MDFIC: variants seen among roughly 807,000 people sequenced by gnomAD.
MDFIC encodes myoD family inhibitor domain-containing protein.
MDFIC carries 17 observed loss-of-function variants against 23.2 expected under a neutral mutation model. That is an observed-to-expected ratio of 0.73 (90% CI 0.50 to 1.10). The LOEUF is 1.10. Among genes scored for constraint, MDFIC ranks in the 50% least tolerant of loss-of-function variants. The pLI is 0.00. For missense variants in MDFIC, 356 were observed against 316.6 expected (o/e 1.12, Z -0.95); for synonymous variants, 120 against 115.2 (o/e 1.04, Z -0.27).
In MDFIC at chr7:115,007,750, T is replaced by C. The variant is rs1172113032; in HGVS notation, c.494-7938T>C. ...GTGCAGTGGCATGATTATGGCTCAC[T>C]ATAGCCTCGACCTTCTGGGGCTCAG... On this transcript the variant is annotated intron_variant, in intron 4 of 4. Coordinates refer to ENST00000393486, the MANE Select transcript of MDFIC (RefSeq NM_001166345.3). Among the ~76,000 whole-genome samples the C allele has an allele frequency of 7.3e-5, 11 of 149,864 alleles. No homozygotes were observed. In the Admixed American group the frequency reaches 7.4e-4, roughly 10 times the overall value.
Position 114,922,555 on chromosome 7 carries a change from C to T in MDFIC, c.-189C>T. 7.9e-7 allele frequency: 1 copy of T among 1,267,690 alleles called. No individual in the cohort carries two copies. Among genetic ancestry groups the T allele is most frequent in the Non-Finnish European group, 1.0e-6 (1 of 1,000,214 alleles). 78.5% of individuals were successfully genotyped at this position (1,267,690 alleles called of 1,614,324 possible). On this transcript the variant is annotated 5_prime_UTR_variant, in exon 1 of 5. Transcript: ENST00000393486. The stretch of plus-strand genomic sequence containing the variant: ...ACCGGGGCGAAAATGCGGCCGCTGC[C>T]GGAGGCTCGCTAACTTTCCGGGGCG...
chr7:115,005,182 T>C (rs1287540681), intron 4 of MDFIC, among the ~76,000 whole-genome samples: 1 of 152,174 alleles, frequency 6.6e-6, no homozygotes, highest in Non-Finnish European at 1.5e-5. Flanking sequence ...CGACACCAAA[T>C]GAAATGACCT....
In MDFIC at chr7:115,016,071, G is replaced by A. The variant is rs1172729235; in HGVS notation, c.*136G>A. Reference sequence around the variant, plus strand: ...TAACTCATTATTGTAAGTAATCTCTGAAAGCCTTTTTACTTTAACCAAATC... The same window carrying A: ...TAACTCATTATTGTAAGTAATCTCTAAAAGCCTTTTTACTTTAACCAAATC... On this transcript the variant is annotated 3_prime_UTR_variant, in exon 5 of 5. Transcript: ENST00000393486. 4 of 891,876 alleles carry A rather than the reference G, an allele frequency of 4.5e-6. No individual in the cohort carries two copies. The African/African-American group carries it at 5.0e-5, about 11-fold the overall frequency. The allele number at this position is 891,876 out of a possible 1,614,324, so 55.2% of individuals were successfully genotyped here. A position where few individuals can be genotyped will look rare whatever the true frequency, so the allele number is the denominator to read the frequency against.
chr7:114,985,502 TTTTG>T (rs1436021287), intron 4 of MDFIC, among the ~76,000 whole-genome samples: 2 of 152,056 alleles, frequency 1.3e-5, no homozygotes, highest in East Asian at 1.9e-4. Context: ...GTGCTCTTCT[TTTTG>T]TTTGTTTGAT....
chr7:114,967,086 A>G (rs1399722045), intron 3 of MDFIC, among the ~76,000 whole-genome samples: 1 of 152,176 alleles, frequency 6.6e-6, no homozygotes, highest in Non-Finnish European at 1.5e-5. Flanking sequence ...CTTTGTTTAA[A>G]TTTTTAAAAA....
In MDFIC at chr7:115,000,209, G is replaced by A. The variant is rs542951897; in HGVS notation, c.494-15479G>A. Among the ~76,000 whole-genome samples the A allele has an allele frequency of 2.6e-5, 4 of 152,140 alleles. No individual in the cohort carries two copies. The East Asian group carries it at 7.7e-4, about 29-fold the overall frequency. ...ATATACAAATACTTACCATTGTGTT[G>A]CAGGTACCTACAGTACTCAGTACAG... On this transcript the variant is annotated intron_variant, in intron 4 of 4. Transcript: ENST00000393486.
chr7:114,983,838 T>A (rs1046531624), intron 4 of MDFIC, among the ~76,000 whole-genome samples: 6 of 152,114 alleles, frequency 3.9e-5, no homozygotes, highest in East Asian at 3.9e-4. Context: ...CCCCATCAGG[T>A]ACTTTTTAAG....
At chr7:114,978,838 G>T (rs555599653) in intron 3 of MDFIC, among the ~76,000 whole-genome samples, 1 of 151,998 alleles carries the variant, frequency 6.6e-6, no homozygotes. Context: ...CATAAGTCAC[G>T]TAAGGGTGGG....
At chr7:114,932,182 A>G (rs1792320612) in intron 2 of MDFIC, among the ~76,000 whole-genome samples, 1 of 152,170 alleles carries the variant, frequency 6.6e-6, no homozygotes, top group African/African-American at 2.4e-5. Context: ...TGTTCAAATA[A>G]CTCTATCAGT....
rs1792457477 is a variant in MDFIC, at chr7:114,937,829, G to A, written c.95-4446G>A. Among the ~76,000 whole-genome samples the A allele has an allele frequency of 2.0e-5, 3 of 151,894 alleles. No individual in the cohort carries two copies. In the South Asian group the frequency reaches 6.2e-4, roughly 32 times the overall value. ...CTAGTCTTTGGAAGTAGATGCCAGTGGTGTTCAACTATCCTTTAATCTAGT... is the reference window on the plus strand; with the variant it reads ...CTAGTCTTTGGAAGTAGATGCCAGTAGTGTTCAACTATCCTTTAATCTAGT... On this transcript the variant is annotated intron_variant, in intron 2 of 4. Transcript: ENST00000393486.
At chr7:114,928,442 G>T (rs1792239593) in intron 2 of MDFIC, among the ~76,000 whole-genome samples, 1 of 152,218 alleles carries the variant, frequency 6.6e-6, no homozygotes, top group Non-Finnish European at 1.5e-5. Context: ...TCTCTAGTAG[G>T]GGATTTGGAA....
At chr7:115,013,849 G>C (rs1481617147) in intron 4 of MDFIC, 2 of 318,876 alleles carry the variant, frequency 6.3e-6, no homozygotes, top group African/African-American at 4.5e-5. Context: ...GTAAGGTCAT[G>C]GGCCTTTATT....
intron 4 of MDFIC, among the ~76,000 whole-genome samples, chr7:115,000,361 A>C (rs1410925579): frequency 2.0e-5 from 3 of 152,144 alleles, no homozygotes; most frequent in Admixed American, 6.5e-5. Flanking sequence ...GAAATCACCT[A>C]ATGACCCCTT....
chr7:114,922,764 T>C, intron 1 of MDFIC, 128 bp downstream of exon 1: 1 of 1,237,824 alleles, frequency 8.1e-7, no homozygotes, highest in Non-Finnish European at 1.0e-6. Flanking sequence ...ACCCCGCCGC[T>C]GTCAACTTGC....
At chr7:114,932,464 T>G (rs897652930) in intron 2 of MDFIC, among the ~76,000 whole-genome samples, 3 of 152,146 alleles carry the variant, frequency 2.0e-5, no homozygotes, top group African/African-American at 7.2e-5. Flanking sequence ...CAGACAACAG[T>G]TATAGAAACA....
chr7:114,932,308 A>C (rs2115710464), intron 2 of MDFIC, among the ~76,000 whole-genome samples: 2 of 152,296 alleles, frequency 1.3e-5, no homozygotes, highest in South Asian at 2.1e-4. Flanking sequence ...AGGCACTGGT[A>C]GTGGGTGTGG....
intron 3 of MDFIC, among the ~76,000 whole-genome samples, chr7:114,956,337 TTATATATATATACACACACACA>T (rs1259581716): frequency 7.7e-5 from 11 of 142,186 alleles, no homozygotes; most frequent in Admixed American, 2.1e-4. Context: ...TACATAAATA[TTATATATATATACACACACACA>T]TATATATATA....
chr7:114,962,018 T>G (rs1393932647), intron 3 of MDFIC, among the ~76,000 whole-genome samples: 5 of 152,210 alleles, frequency 3.3e-5, no homozygotes, highest in African/African-American at 9.7e-5. Context: ...ATAAATATTA[T>G]TTAGATGACT....
chr7:114,967,152 A>G lies in MDFIC; in HGVS notation c.218-12354A>G, dbSNP rs553078898. 3.3e-5 allele frequency among the ~76,000 whole-genome samples: 5 copies of G among 152,202 alleles called. No homozygotes were observed. The East Asian group carries it at 9.6e-4, about 29-fold the overall frequency. ...TCTCTGAACATTTGCATCTTTCTTA[A>G]GAGATTACAGATTTTGTTCAGATGC... On this transcript the variant is annotated intron_variant, in intron 3 of 4. Coordinates refer to ENST00000393486, the MANE Select transcript of MDFIC (RefSeq NM_001166345.3).
Sources: allele counts gnomAD v4.1 joint callset (sites outside exome capture counted in the v4.1 genomes callset), GRCh38; gene constraint gnomAD v4.1.1; transcripts MANE v1.5; gene names NCBI Gene and HGNC (gene_info 2026-07-23, HGNC 2026-07-21).